Variants in ABHD12 observed in about 807,000 individuals in gnomAD.
ABHD12 encodes abhydrolase domain containing 12, lysophospholipase.
In ABHD12, 43 loss-of-function variants were observed where a neutral mutation model predicts 58.3. That is an observed-to-expected ratio of 0.74 (90% CI 0.58 to 0.95). The LOEUF (loss-of-function observed/expected upper bound fraction) is 0.95, where lower values mean the gene tolerates loss of function less well. Among genes scored for constraint, ABHD12 ranks in the 40% least tolerant of loss-of-function variants. The pLI is 0.00. For synonymous variants in ABHD12, 219 were observed against 211.2 expected, an observed-to-expected ratio of 1.04 and a Z score of -0.32; for missense variants, 539 against 537.2, an observed-to-expected ratio of 1.00 and a Z score of -0.03.
intron 1 of ABHD12, among the ~76,000 whole-genome samples, chr20:25,344,224 T>G (rs1441360662): frequency 6.6e-6 from 1 of 152,056 alleles, no homozygotes; most frequent in African/African-American, 2.4e-5. Context: ...CACAATAAGA[T>G]AAGAAAAGGA....
chr20:25,299,659 G>A (rs1168562045), downstream of ABHD12, among the ~76,000 whole-genome samples: 1 of 152,114 alleles, frequency 6.6e-6, no homozygotes, highest in Admixed American at 6.5e-5. Flanking sequence ...GCTCCCCTAG[G>A]GGTTCCTATA....
At chr20:25,351,586 C>T (rs1403383001) in intron 1 of ABHD12, among the ~76,000 whole-genome samples, 2 of 152,190 alleles carry the variant, frequency 1.3e-5, no homozygotes, top group African/African-American at 4.8e-5. Flanking sequence ...CAAGTTGACC[C>T]TGGCCCTTAG....
At chr20:25,374,461 C>T (rs937846940) in intron 1 of ABHD12, among the ~76,000 whole-genome samples, 3 of 152,142 alleles carry the variant, frequency 2.0e-5, no homozygotes, top group African/African-American at 4.8e-5. Flanking sequence ...CTCCACTTAA[C>T]TTCTAGAACA....
intron 4 of ABHD12, among the ~76,000 whole-genome samples, chr20:25,318,502 CCCGCAGACCAGCGAAA>C (rs1241493686): frequency 1.3e-5 from 2 of 152,064 alleles, no homozygotes; most frequent in Non-Finnish European, 2.9e-5. Context: ...GGTGGTGGAT[CCCGCAGACCAGCGAAA>C]CCCCAGTGGG....
rs1051970093 is a variant in ABHD12, at chr20:25,332,080, A to G, written c.316+7147T>C. 7.2e-3 allele frequency among the ~76,000 whole-genome samples: 1,103 copies of G among 152,302 alleles called. 10 individuals carry two copies. The highest frequency in any genetic ancestry group is 0.024 in the African/African-American group (996 of 41,530). ...AAACCCATCTCACGTGCAGAGACAC[A>G]CATAGGTTCAAAATAAAAGGATGGA... On this transcript the variant is annotated intron_variant, in intron 2 of 12. Coordinates refer to ENST00000339157, the MANE Select transcript of ABHD12 (RefSeq NM_001042472.3).
intron 3 of ABHD12, 98 bp from the exon 4 acceptor site, chr20:25,320,416 C>G (rs781006442): frequency 3.2e-6 from 5 of 1,546,018 alleles, no homozygotes; most frequent in African/African-American, 1.4e-5. Context: ...CAAGTCCAGA[C>G]AGCAGGGAGC....
chr20:25,325,523 TAGACAC>T (rs2089160019), intron 2 of ABHD12, among the ~76,000 whole-genome samples: 1 of 152,116 alleles, frequency 6.6e-6, no homozygotes, highest in African/African-American at 2.4e-5. Flanking sequence ...TGGGGACATT[TAGACAC>T]AGAGACAGAG....
intron 1 of ABHD12, among the ~76,000 whole-genome samples, chr20:25,354,461 T>G (rs1179694618): frequency 6.6e-6 from 1 of 152,190 alleles, no homozygotes; most frequent in Non-Finnish European, 1.5e-5. Context: ...ACATTCTGGT[T>G]TTTCAGCATC....
downstream of ABHD12, among the ~76,000 whole-genome samples, chr20:25,299,766 G>A (rs140483931): frequency 7.0e-4 from 106 of 152,310 alleles, 1 homozygote; most frequent in Middle Eastern, 3.4e-3. Context: ...CTCTGGGGCC[G>A]TGGGTGGGTG....
Position 25,390,657 on chromosome 20 carries a change from G to A in ABHD12, c.47C>T (p.Ala16Val), listed in dbSNP as rs1002517459. ...EPVALEHERC[A>V]AAGSSSSGSA... is the part of the protein sequence containing the mutation. Reference sequence around the variant, plus strand: ...GCCGGAGGAGGACGAGCCCGCGGCGGCGCAGCGCTCATGCTCCAAGGCGAC... The same window carrying A: ...GCCGGAGGAGGACGAGCCCGCGGCGACGCAGCGCTCATGCTCCAAGGCGAC... The change falls in exon 1 of 13, where the codon GCC becomes GTC. Residue 16 changes from alanine (A) to valine (V), a missense_variant. Ala to Val is a moderately conservative substitution (Grantham distance 64). Transcript: ENST00000339157. 5.6e-6 allele frequency: 8 copies of A among 1,440,856 alleles called. No homozygotes were observed. The Admixed American group carries it at 1.3e-4, about 24-fold the overall frequency. 89.3% of individuals were successfully genotyped at this position (1,440,856 alleles called of 1,614,324 possible). A position where few individuals can be genotyped will look rare whatever the true frequency, so the allele number is the denominator to read the frequency against.
intron 4 of ABHD12, among the ~76,000 whole-genome samples, chr20:25,319,323 T>G (rs1316274622): frequency 1.3e-5 from 2 of 152,182 alleles, no homozygotes; most frequent in Non-Finnish European, 2.9e-5. Flanking sequence ...GACAAGCCAT[T>G]AGACCCACTC....
At chr20:25,296,366 G>C (rs2088544905), downstream of ABHD12, 2 of 1,613,886 alleles carry the variant, frequency 1.2e-6, no homozygotes, top group Non-Finnish European at 1.7e-6. Context: ...CTCCTTCCCT[G>C]CAGAACCCCA....
intron 10 of ABHD12, among the ~76,000 whole-genome samples, chr20:25,305,677 TAAAG>T (rs1175991542): frequency 6.6e-6 from 1 of 152,066 alleles, no homozygotes; most frequent in Non-Finnish European, 1.5e-5. Context: ...CCTCTTTTTT[TAAAG>T]AAATCAAAAT....
At chr20:25,384,121 G>A (rs2090057361) in intron 1 of ABHD12, among the ~76,000 whole-genome samples, 2 of 138,872 alleles carry the variant, frequency 1.4e-5, no homozygotes, top group South Asian at 2.4e-4. Context: ...CAGCCTGGGT[G>A]ACAGAGTGAG....
At chr20:25,387,190 T>A (rs1451155328) in intron 1 of ABHD12, among the ~76,000 whole-genome samples, 4 of 152,316 alleles carry the variant, frequency 2.6e-5, no homozygotes, top group Non-Finnish European at 4.4e-5. Context: ...AGCATTCTCA[T>A]TAAAGTCAGG....
intron 1 of ABHD12, among the ~76,000 whole-genome samples, chr20:25,347,159 C>A (rs1458237493): frequency 1.3e-5 from 2 of 152,236 alleles, no homozygotes; most frequent in East Asian, 3.9e-4. Flanking sequence ...AATTTTGAAA[C>A]CTTCACAGCT....
At chr20:25,346,369 T>TC (rs2089518683) in intron 1 of ABHD12, among the ~76,000 whole-genome samples, 1 of 152,186 alleles carries the variant, frequency 6.6e-6, no homozygotes, top group Non-Finnish European at 1.5e-5. Context: ...AGTGAAACTA[T>TC]TGTGTATGAT....
At chr20:25,311,957 C>T (rs1180793495) in intron 6 of ABHD12, among the ~76,000 whole-genome samples, 2 of 152,082 alleles carry the variant, frequency 1.3e-5, no homozygotes. Context: ...ATCTGCCCAC[C>T]TCAGCCTCCC....
downstream of ABHD12, among the ~76,000 whole-genome samples, chr20:25,296,136 G>A (rs2088540029): frequency 6.6e-6 from 1 of 152,090 alleles, no homozygotes; most frequent in South Asian, 2.1e-4. Flanking sequence ...AGGAATTTTC[G>A]AGGCTGGGAC....
Sources: gnomAD v4.1 joint callset for allele counts (sites outside exome capture counted in the v4.1 genomes callset) on GRCh38, gnomAD v4.1.1 for gene constraint, MANE v1.5 for transcripts, NCBI Gene and HGNC (gene_info 2026-07-23, HGNC 2026-07-21) for gene names.